Variants in MTA1 observed in about 807,000 individuals in gnomAD.
MTA1 encodes the protein metastasis associated 1.
A neutral mutation model predicts 97.0 loss-of-function variants in MTA1; 15 were observed. The observed-to-expected ratio is 0.15, with a 90% confidence interval of 0.10 to 0.24. The LOEUF (loss-of-function observed/expected upper bound fraction) is 0.24. Ranked by LOEUF, MTA1 falls within the 10% of genes least tolerant of loss-of-function variation. MTA1 has a pLI of 1.00. For synonymous variants in MTA1, 435 were observed against 417.5 expected, an observed-to-expected ratio of 1.04 and a Z score of -0.51; for missense variants, 709 against 1,015.1, an observed-to-expected ratio of 0.70 and a Z score of 4.10.
chr14:105,450,503 G>A lies in MTA1; in HGVS notation c.432+179G>A, dbSNP rs141418138. On this transcript the variant is annotated intron_variant, in intron 6 of 20. Transcript: ENST00000331320. ...GTCACTTCCAGGTGTCCTGGTGTGT[G>A]GCCGCCCCCACCCTACGCGTCCAGA... Among the ~76,000 whole-genome samples, 495 of 152,346 alleles carry A rather than the reference G, an allele frequency of 3.2e-3. 5 individuals are homozygous for A. Among genetic ancestry groups the A allele is most frequent in the African/African-American group, 0.011 (459 of 41,580 alleles).
intron 1 of MTA1, among the ~76,000 whole-genome samples, chr14:105,423,302 C>T (rs1255077005): frequency 2.7e-5 from 4 of 149,606 alleles, no homozygotes; most frequent in Non-Finnish European, 1.5e-5. Context: ...TCACTGCAAC[C>T]TCCGCCTCCC....
chr14:105,468,992 T>C (rs781946319), intron 18 of MTA1: 11 of 341,490 alleles, frequency 3.2e-5, no homozygotes, highest in Non-Finnish European at 6.4e-5. Flanking sequence ...GCCAGGGCAG[T>C]GGGTGGTGAC....
rs748408813 is a variant in MTA1, at chr14:105,450,320, G to A, written c.428G>A (p.Arg143Gln). 4 of 1,602,626 alleles carry A rather than the reference G, an allele frequency of 2.5e-6. No individual in the cohort carries two copies. The highest frequency in any genetic ancestry group is 3.4e-6 in the Non-Finnish European group (4 of 1,171,672). Residue 143 changes from arginine to glutamine, a missense_variant, in exon 6 of 21, where the codon CGG becomes CAG. This residue lies in a region of MTA1 where 321 missense variants were observed against 593.5 expected (regional missense o/e 0.54). Transcript: ENST00000331320. ...GAGTCGCTCAAGTCCTACCTGGAGCGGGAGGTGAGGCCCAGCCCGGCCTGG... is the reference window on the plus strand; with the variant it reads ...GAGTCGCTCAAGTCCTACCTGGAGCAGGAGGTGAGGCCCAGCCCGGCCTGG... ...ETESLKSYLE[R>Q]EDFFFYSLVY... is the part of the protein sequence containing the mutation.
intron 13 of MTA1, 72 bp from the exon 14 acceptor site, chr14:105,464,344 G>A: frequency 1.3e-6 from 2 of 1,584,166 alleles, no homozygotes; most frequent in South Asian, 1.1e-5. Flanking sequence ...CCGGCGTGGG[G>A]GTGGCGGGGA....
chr14:105,441,755 C>A (rs750019245), intron 2 of MTA1, among the ~76,000 whole-genome samples: 4 of 152,108 alleles, frequency 2.6e-5, no homozygotes, highest in Non-Finnish European at 5.9e-5. Context: ...GATCCCGCCA[C>A]TACACTCCAG....
intron 2 of MTA1, among the ~76,000 whole-genome samples, chr14:105,443,435 G>A (rs2082611276): frequency 6.6e-6 from 1 of 152,156 alleles, no homozygotes. Context: ...GCAGTGGCAC[G>A]ATCTCAACTC....
intron 16 of MTA1, 114 bp downstream of exon 16, chr14:105,465,297 C>A (rs782701971): frequency 2.5e-4 from 233 of 941,170 alleles, no homozygotes; most frequent in Non-Finnish European, 3.1e-4. Context: ...TGGACAGCCC[C>A]CCAGGGCCTG....
At chr14:105,456,564 G>A (rs782382607) in intron 7 of MTA1, among the ~76,000 whole-genome samples, 7 of 152,226 alleles carry the variant, frequency 4.6e-5, no homozygotes, top group African/African-American at 1.7e-4. Flanking sequence ...GGGACGTGGC[G>A]TCCAGAGCTT....
At chr14:105,435,475 A>G (rs972917767) in intron 1 of MTA1, among the ~76,000 whole-genome samples, 1 of 152,016 alleles carries the variant, frequency 6.6e-6, no homozygotes, top group Non-Finnish European at 1.5e-5. Flanking sequence ...TTTTTTAGAG[A>G]TGGGGTCCTG....
chr14:105,469,230 G>A, intron 18 of MTA1: 1 of 612,808 alleles, frequency 1.6e-6, no homozygotes, highest in Admixed American at 2.4e-5. Context: ...CTGGCCTCCT[G>A]CCTGGAGCCC....
intron 2 of MTA1, among the ~76,000 whole-genome samples, chr14:105,439,042 C>T (rs2082416184): frequency 6.6e-6 from 1 of 152,128 alleles, no homozygotes. Flanking sequence ...CCTGGGGAGC[C>T]CGAGCGGAAT....
At chr14:105,451,783 G>GTTTTTTTTTT (rs869240296) in intron 6 of MTA1, among the ~76,000 whole-genome samples, 8 of 31,376 alleles carry the variant, frequency 2.5e-4, no homozygotes, top group Non-Finnish European at 3.3e-4. Context: ...TTCTTTTTTT[G>GTTTTTTTTTT]TTTTTTTTTT....
chr14:105,429,751 C>CATTTT (rs2082123264), intron 1 of MTA1, among the ~76,000 whole-genome samples: 1 of 12,640 alleles, frequency 7.9e-5, no homozygotes, highest in Non-Finnish European at 1.6e-4. Context: ...CTGCGCCCGG[C>CATTTT]CTTTTTTTTT....
At chr14:105,423,180 G>A (rs1232364135) in intron 1 of MTA1, among the ~76,000 whole-genome samples, 2 of 151,406 alleles carry the variant, frequency 1.3e-5, no homozygotes, top group African/African-American at 2.4e-5. Context: ...CATTGCAAGA[G>A]GTTAACACCC....
At chr14:105,429,882 G>A (rs1334317031) in intron 1 of MTA1, among the ~76,000 whole-genome samples, 2 of 145,434 alleles carry the variant, frequency 1.4e-5, no homozygotes, top group Non-Finnish European at 3.0e-5. Flanking sequence ...TCAGCCTCCC[G>A]AGTAGCTGGG....
At chr14:105,457,143 A>G (rs2141627758) in intron 7 of MTA1, among the ~76,000 whole-genome samples, 1 of 152,316 alleles carries the variant, frequency 6.6e-6, no homozygotes, top group South Asian at 2.1e-4. Context: ...AGCTGCTTGC[A>G]GAGTCTGAGC....
chr14:105,441,273 T>A (rs1345798104), intron 2 of MTA1, among the ~76,000 whole-genome samples: 3 of 151,726 alleles, frequency 2.0e-5, no homozygotes, highest in Non-Finnish European at 2.9e-5. Flanking sequence ...CCCCCGCCCC[T>A]CTTGCCTCCT....
At chr14:105,443,158 G>T (rs1294316567) in intron 2 of MTA1, among the ~76,000 whole-genome samples, 1 of 152,156 alleles carries the variant, frequency 6.6e-6, no homozygotes, top group Non-Finnish European at 1.5e-5. Context: ...GCCAGGGTAG[G>T]GACAGCTCGA....
Position 105,466,426 on chromosome 14 carries a change from A to AGTG in MTA1, c.1626_1627insTGG (p.Glu542_Thr543insTrp). 1.3e-6 allele frequency: 2 copies of AGTG among 1,484,192 alleles called. No individual in the cohort carries two copies. The highest frequency in any genetic ancestry group is 1.7e-5 in the Admixed American group (1 of 58,772). 91.9% of individuals were successfully genotyped at this position (1,484,192 alleles called of 1,614,324 possible). On this transcript the variant is annotated inframe_insertion and splice_region_variant, in exon 17 of 21. Transcript: ENST00000331320. ...GTTCTGCCTGTGTCATTCCCGGCAG[A>AGTG]GACCCACCCCCGCCCCCCCAAGCCT...
Sources: gnomAD v4.1 joint callset for allele counts (sites outside exome capture counted in the v4.1 genomes callset) on GRCh38, gnomAD v4.1.1 for gene constraint, gnomAD v4.1.1 regional missense constraint, MANE v1.5 for transcripts, NCBI Gene and HGNC (gene_info 2026-07-23, HGNC 2026-07-21) for gene names.